GPHN: variants seen among roughly 807,000 people sequenced by gnomAD.
The protein encoded by GPHN is gephyrin.
A neutral mutation model predicts 95.5 loss-of-function variants in GPHN; 17 were observed. That is an observed-to-expected ratio of 0.18 (90% CI 0.12 to 0.27). The LOEUF is 0.27. Ranked by LOEUF, GPHN falls within the 10% of genes least tolerant of loss-of-function variation. The pLI, the probability that GPHN is intolerant of heterozygous loss-of-function variation, is 1.00. For missense variants in GPHN, 660 were observed against 978.1 expected, an observed-to-expected ratio of 0.67 and a Z score of 4.34; for synonymous variants, 320 against 322.5, an observed-to-expected ratio of 0.99 and a Z score of 0.08.
At chr14:67,195,712 G>GTTGT in the GPHN span, among the ~76,000 whole-genome samples, 1 of 101,748 alleles carries the variant, frequency 9.8e-6, no homozygotes, top group South Asian at 3.6e-4. Context: ...TTTCTTTTTG[G>GTTGT]TTGTGTGTGT....
chr14:66,784,098 A>C (rs1050908473), intron 3 of GPHN, among the ~76,000 whole-genome samples: 6 of 152,192 alleles, frequency 3.9e-5, no homozygotes, highest in Admixed American at 3.3e-4. Flanking sequence ...TAAAGCACCT[A>C]TTATAAAAGT....
At chr14:67,361,062 G>A in the GPHN span, among the ~76,000 whole-genome samples, 6 of 152,032 alleles carry the variant, frequency 3.9e-5, no homozygotes, top group Non-Finnish European at 1.5e-5. Context: ...GTCGTATTTT[G>A]GCGACAATGA....
the GPHN span, among the ~76,000 whole-genome samples, chr14:67,497,200 G>A: frequency 6.6e-6 from 1 of 152,268 alleles, no homozygotes; most frequent in African/African-American, 2.4e-5. Context: ...GGGCACACAC[G>A]AATGCCCTGG....
chr14:67,305,265 A>G, the GPHN span, among the ~76,000 whole-genome samples: 14 of 152,178 alleles, frequency 9.2e-5, no homozygotes, highest in Non-Finnish European at 1.6e-4. Flanking sequence ...TCTTTTGAGA[A>G]TAAATGTCAG....
At chr14:66,974,537 ATC>A (rs1163295558) in intron 9 of GPHN, among the ~76,000 whole-genome samples, 1 of 152,136 alleles carries the variant, frequency 6.6e-6, no homozygotes, top group East Asian at 1.9e-4. Flanking sequence ...GAAATTTGAT[ATC>A]TGAGAAGATA....
intron 8 of GPHN, among the ~76,000 whole-genome samples, chr14:66,956,713 C>T (rs2068531461): frequency 6.6e-6 from 1 of 151,988 alleles, no homozygotes; most frequent in Non-Finnish European, 1.5e-5. Context: ...ATGACCTTTG[C>T]CCACTTTTTG....
chr14:67,143,827 T>C (rs181867470), intron 18 of GPHN, among the ~76,000 whole-genome samples: 3 of 152,142 alleles, frequency 2.0e-5, no homozygotes, highest in Admixed American at 2.0e-4. Context: ...AGCCAACCAA[T>C]TCACCCACCA....
chr14:66,833,821 C>G (rs1221074855), intron 4 of GPHN, among the ~76,000 whole-genome samples: 1 of 152,090 alleles, frequency 6.6e-6, no homozygotes, highest in Non-Finnish European at 1.5e-5. Context: ...AATCAAGAAT[C>G]AAGACAATCG....
chr14:66,948,543 AGTATATTACTTGTCTTTT>A (rs1236606592), intron 8 of GPHN, among the ~76,000 whole-genome samples: 1 of 152,156 alleles, frequency 6.6e-6, no homozygotes, highest in African/African-American at 2.4e-5. Flanking sequence ...TCAGCTGTCT[AGTATATTACTTGTCTTTT>A]GTAGTTTCTG....
intron 1 of GPHN, among the ~76,000 whole-genome samples, chr14:66,513,362 C>T (rs1178211431): frequency 6.6e-6 from 1 of 151,614 alleles, no homozygotes; most frequent in Non-Finnish European, 1.5e-5. Context: ...TGACTTCAAG[C>T]AGGCATATAG....
At chr14:66,671,426 CTTCT>C (rs1332878707) in intron 1 of GPHN, among the ~76,000 whole-genome samples, 6 of 152,136 alleles carry the variant, frequency 3.9e-5, no homozygotes, top group African/African-American at 1.4e-4. Context: ...GGAGATTTTG[CTTCT>C]TTAACTTTTG....
Position 66,721,486 on chromosome 14 carries a change from A to G in GPHN, c.143+40301A>G, listed in dbSNP as rs114378778. 1.8e-3 allele frequency among the ~76,000 whole-genome samples: 272 copies of G among 152,318 alleles called. 1 individual carries two copies. Among genetic ancestry groups the G allele is most frequent in the African/African-American group, 6.3e-3 (260 of 41,586 alleles). On this transcript the variant is annotated intron_variant, in intron 2 of 22. Coordinates refer to ENST00000478722, the MANE Select transcript of GPHN (RefSeq NM_020806.5). ...ATATATCTATATACATATAACCTAAAGAAGATATAGCATCAGTTCTTATTT... is the reference window on the plus strand; with the variant it reads ...ATATATCTATATACATATAACCTAAGGAAGATATAGCATCAGTTCTTATTT...
At chr14:67,343,209 C>CTTT in the GPHN span, among the ~76,000 whole-genome samples, 10 of 148,126 alleles carry the variant, frequency 6.8e-5, no homozygotes, top group African/African-American at 2.2e-4. Flanking sequence ...CTTCATAACA[C>CTTT]TTTTTTTTTT....
At chr14:67,266,449 C>A in the GPHN span, among the ~76,000 whole-genome samples, 1 of 152,186 alleles carries the variant, frequency 6.6e-6, no homozygotes, top group Middle Eastern at 3.4e-3. Flanking sequence ...CCTCAGCCTG[C>A]CGAGTAGCTG....
chr14:67,358,507 G>C, the GPHN span, among the ~76,000 whole-genome samples: 3 of 152,078 alleles, frequency 2.0e-5, no homozygotes, highest in Non-Finnish European at 4.4e-5. Flanking sequence ...CTAAATGTCA[G>C]GGTCAAAACT....
chr14:66,530,052 C>A (rs1296613761), intron 1 of GPHN, among the ~76,000 whole-genome samples: 2 of 152,118 alleles, frequency 1.3e-5, no homozygotes, highest in Non-Finnish European at 2.9e-5. Flanking sequence ...CTCACAGCCA[C>A]CCCTTCCCCT....
the GPHN span, among the ~76,000 whole-genome samples, chr14:67,290,091 G>C: frequency 6.6e-6 from 1 of 151,776 alleles, no homozygotes; most frequent in African/African-American, 2.4e-5. Flanking sequence ...TTTTTATACT[G>C]TCTTTGACTG....
At chr14:67,296,672 C>G in the GPHN span, among the ~76,000 whole-genome samples, 1 of 146,616 alleles carries the variant, frequency 6.8e-6, no homozygotes, top group Non-Finnish European at 1.5e-5. Context: ...TGATGGATTA[C>G]TTTGGTAAAT....
intron 10 of GPHN, among the ~76,000 whole-genome samples, chr14:67,057,967 CAT>C (rs902611605): frequency 6.6e-6 from 1 of 152,098 alleles, no homozygotes; most frequent in African/African-American, 2.4e-5. Flanking sequence ...AGAAACTAAA[CAT>C]ATTTTTAAAA....
Sources: allele counts gnomAD v4.1 joint callset (sites outside exome capture counted in the v4.1 genomes callset), GRCh38; gene constraint gnomAD v4.1.1; transcripts MANE v1.5; gene names NCBI Gene and HGNC (gene_info 2026-07-23, HGNC 2026-07-21).